Variants in PTCHD4 observed in about 807,000 individuals in gnomAD.
PTCHD4 encodes patched domain-containing protein 4.
A neutral mutation model predicts 58.1 loss-of-function variants in PTCHD4; 33 were observed. The observed-to-expected ratio is 0.57, with a 90% confidence interval of 0.43 to 0.76. The LOEUF is 0.76. Among genes scored for constraint, PTCHD4 ranks in the 30% least tolerant of loss-of-function variants. The pLI is 0.00. For missense variants in PTCHD4, 1,058 were observed against 1,027.1 expected, an observed-to-expected ratio of 1.03 and a Z score of -0.41; for synonymous variants, 478 against 409.6, an observed-to-expected ratio of 1.17 and a Z score of -2.02.
At chr6:48,078,552 A>G (rs1765101801) in intron 1 of PTCHD4, among the ~76,000 whole-genome samples, 1 of 152,198 alleles carries the variant, frequency 6.6e-6, no homozygotes, top group South Asian at 2.1e-4. Flanking sequence ...GAAGTACAAC[A>G]AATTTTTAAA....
intron 1 of PTCHD4, among the ~76,000 whole-genome samples, chr6:48,109,023 T>C (rs1765806704): frequency 6.6e-6 from 1 of 152,056 alleles, no homozygotes; most frequent in Non-Finnish European, 1.5e-5. Context: ...AAAATTTAAA[T>C]GAAATAATCA....
At position 47,861,625 on chromosome 6, in the gene PTCHD4, A is replaced by T. The variant is rs1763428138; in HGVS notation, c.*16678T>A. Reference sequence around the variant, plus strand: ...GCAACTTCTATTTATTATGGAAGACATGTTAACTAAGAATCTTGAACAATT... The same window carrying T: ...GCAACTTCTATTTATTATGGAAGACTTGTTAACTAAGAATCTTGAACAATT... On this transcript the variant is annotated 3_prime_UTR_variant, in exon 5 of 5. Transcript: ENST00000339488. Among the ~76,000 whole-genome samples the T allele has an allele frequency of 1.3e-5, 2 of 152,004 alleles. No homozygotes were observed. The highest frequency in any genetic ancestry group is 2.4e-5 in the African/African-American group (1 of 41,446).
Position 47,879,378 on chromosome 6 carries a change from G to A in PTCHD4, c.1457C>T (p.Ala486Val), listed in dbSNP as rs1236961165. ...FMGCLQISDG[A>V]NIINLLASDS... The stretch of plus-strand genomic sequence containing the variant: ...ACTGGCTAGTAGATTGATGATGTTG[G>A]CTCCGTCACTGATCTGTAAGCACCC... The change falls in exon 5 of 5, where the codon GCC (alanine) becomes GTC (valine). Residue 486 changes from alanine to valine, a missense_variant. Coordinates refer to ENST00000339488, the MANE Select transcript of PTCHD4 (RefSeq NM_001384253.1). 153 of 1,613,484 alleles carry A rather than the reference G, an allele frequency of 9.5e-5. 1 individual carries two copies. The highest frequency in any genetic ancestry group is 1.3e-4 in the Non-Finnish European group (151 of 1,179,748).
intron 1 of PTCHD4, among the ~76,000 whole-genome samples, chr6:48,072,845 G>A (rs1056293805): frequency 2.6e-5 from 4 of 152,018 alleles, no homozygotes; most frequent in South Asian, 2.1e-4. Flanking sequence ...ACAGTGAAAA[G>A]TCTGGGTCTA....
intron 3 of PTCHD4, among the ~76,000 whole-genome samples, chr6:48,043,463 T>A (rs1763918580): frequency 6.6e-6 from 1 of 151,908 alleles, no homozygotes; most frequent in Non-Finnish European, 1.5e-5. Context: ...TAATTTAGAA[T>A]GTTAAGATTC....
At chr6:48,038,490 A>T (rs1030712848) in intron 3 of PTCHD4, among the ~76,000 whole-genome samples, 3 of 151,826 alleles carry the variant, frequency 2.0e-5, no homozygotes, top group Admixed American at 6.6e-5. Flanking sequence ...TAAAAAAAAA[A>T]ATTAGCTAGG....
At chr6:47,880,749 A>G (rs566595701) in intron 4 of PTCHD4, among the ~76,000 whole-genome samples, 90 of 152,330 alleles carry the variant, frequency 5.9e-4, no homozygotes, top group African/African-American at 2.1e-3. Context: ...CAAAAGGCTT[A>G]GTCAACACAT....
chr6:48,015,601 G>A (rs372798132), intron 3 of PTCHD4, among the ~76,000 whole-genome samples: 8 of 151,946 alleles, frequency 5.3e-5, no homozygotes, highest in African/African-American at 1.7e-4. Context: ...CCTGGTCACC[G>A]AGGACTTAGC....
chr6:48,062,596 G>T (rs1764668030), intron 3 of PTCHD4, among the ~76,000 whole-genome samples: 1 of 152,054 alleles, frequency 6.6e-6, no homozygotes, highest in Admixed American at 6.6e-5. Context: ...GCAGAAACTA[G>T]GCCCCAGTGC....
chr6:47,962,279 C>T (rs1219623321), intron 4 of PTCHD4, among the ~76,000 whole-genome samples: 11 of 152,110 alleles, frequency 7.2e-5, no homozygotes, highest in Admixed American at 6.5e-4. Context: ...GGGAACTTTG[C>T]TGTGCCTAAT....
chr6:48,102,136 C>T (rs184098920), intron 1 of PTCHD4, among the ~76,000 whole-genome samples: 1 of 152,302 alleles, frequency 6.6e-6, no homozygotes, highest in East Asian at 1.9e-4. Flanking sequence ...CCTCAAATCC[C>T]ATTTCCAGTG....
intron 3 of PTCHD4, among the ~76,000 whole-genome samples, chr6:48,066,511 A>T (rs992418562): frequency 6.6e-6 from 1 of 152,184 alleles, no homozygotes; most frequent in Non-Finnish European, 1.5e-5. Flanking sequence ...GGTATAGGAA[A>T]TAACTCAATT....
chr6:48,031,790 T>C (rs1340228289), intron 3 of PTCHD4, among the ~76,000 whole-genome samples: 1 of 152,144 alleles, frequency 6.6e-6, no homozygotes. Flanking sequence ...ACCCATTTGC[T>C]GACATTTGTT....
In PTCHD4 at chr6:48,016,632, G is replaced by GA. The variant is rs200615036; in HGVS notation, c.418-7519dup. Among the ~76,000 whole-genome samples the GA allele has an allele frequency of 3.3e-3, 489 of 149,494 alleles. 8 individuals carry two copies. Among genetic ancestry groups the GA allele is most frequent in the African/African-American group, 0.01 (407 of 40,688 alleles). ...TCTCCAGCAGCAGTAATGCTGAAGA[G>GA]AAAAAAAAAATCTTGGGTTCGAAAG... On this transcript the variant is annotated intron_variant, in intron 3 of 4. Coordinates refer to ENST00000339488, the MANE Select transcript of PTCHD4 (RefSeq NM_001384253.1).
chr6:47,966,779 A>G (rs1213010231), intron 4 of PTCHD4, among the ~76,000 whole-genome samples: 1 of 152,212 alleles, frequency 6.6e-6, no homozygotes, highest in Non-Finnish European at 1.5e-5. Flanking sequence ...CATCTGTTGA[A>G]TATTTATCAT....
At chr6:48,035,126 A>G (rs760969385) in intron 3 of PTCHD4, among the ~76,000 whole-genome samples, 82 of 152,152 alleles carry the variant, frequency 5.4e-4, no homozygotes, top group Non-Finnish European at 1.1e-3. Context: ...TTTGTGTAGT[A>G]GATGAATAAG....
At position 47,875,158 on chromosome 6, in the gene PTCHD4, A is replaced by G. The variant is rs140291661; in HGVS notation, c.*3145T>C. On this transcript the variant is annotated 3_prime_UTR_variant, in exon 5 of 5. Transcript: ENST00000339488. ...AAATAAAATATTACACAAAGCTAAC[A>G]TATTTCCCACAAATTTCTTCTCTTC... Among the ~76,000 whole-genome samples, 259 of 152,022 alleles carry G rather than the reference A, an allele frequency of 1.7e-3. 2 individuals are homozygous for G. The highest frequency in any genetic ancestry group is 5.8e-3 in the African/African-American group (241 of 41,522).
At chr6:47,916,825 GA>G (rs1368287762) in intron 4 of PTCHD4, among the ~76,000 whole-genome samples, 1 of 152,138 alleles carries the variant, frequency 6.6e-6, no homozygotes, top group African/African-American at 2.4e-5. Context: ...TAAAGTTATA[GA>G]ATCTGTCCAA....
In PTCHD4 at chr6:47,878,425, G is replaced by A. The variant is rs368522385; in HGVS notation, c.2410C>T (p.Leu804=). Residue 804 remains leucine (L), a synonymous_variant, in exon 5 of 5, where the codon CTA becomes TTA. Coordinates refer to ENST00000339488, the MANE Select transcript of PTCHD4 (RefSeq NM_001384253.1). ...LHCFVILPVF[L]TFFPPSKKHH... is the part of the protein sequence containing the mutation. ...TTTTTGGAAGGGGGGAAAAACGTTA[G>A]GAACACAGGTAAAATAACAAAACAG... 4.7e-5 allele frequency: 76 copies of A among 1,613,428 alleles called. No individual in the cohort carries two copies. The African/African-American group carries it at 8.7e-4, about 18-fold the overall frequency.
Sources: allele counts gnomAD v4.1 joint callset (sites outside exome capture counted in the v4.1 genomes callset), GRCh38; gene constraint gnomAD v4.1.1; transcripts MANE v1.5; gene names NCBI Gene and HGNC (gene_info 2026-07-23, HGNC 2026-07-21).